CA10: variants seen among roughly 807,000 people sequenced by gnomAD.
The protein encoded by CA10 is carbonic anhydrase 10 (inactive).
CA10 carries 14 observed loss-of-function variants against 44.2 expected under a neutral mutation model. That is an observed-to-expected ratio of 0.32 (90% CI 0.21 to 0.50). The LOEUF is 0.50. Ranked by LOEUF, CA10 falls within the 20% of genes least tolerant of loss-of-function variation. CA10 has a pLI of 0.99. For missense variants in CA10, 350 were observed against 409.7 expected, an observed-to-expected ratio of 0.85 and a Z score of 1.26; for synonymous variants, 159 against 141.6, an observed-to-expected ratio of 1.12 and a Z score of -0.87.
Position 51,865,396 on chromosome 17 carries a change from C to T in CA10, c.279+65594G>A, listed in dbSNP as rs185630328. 1.0e-3 allele frequency among the ~76,000 whole-genome samples: 157 copies of T among 152,296 alleles called. 1 individual carries two copies. Among genetic ancestry groups the T allele is most frequent in the African/African-American group, 3.4e-3 (140 of 41,566 alleles). On this transcript the variant is annotated intron_variant, in intron 3 of 8. Transcript: ENST00000451037. The stretch of plus-strand genomic sequence containing the variant: ...AATAAAAATGTGCTGAATTAATGAA[C>T]GAATCTACTAAACAGGGGGTTCCTC...
chr17:52,114,877 A>T (rs1988858513), intron 1 of CA10, among the ~76,000 whole-genome samples: 1 of 152,194 alleles, frequency 6.6e-6, no homozygotes, highest in South Asian at 2.1e-4. Flanking sequence ...AATGTCAGTG[A>T]TTCTAAAAAC....
chr17:51,680,930 C>G (rs1241533176), intron 4 of CA10, among the ~76,000 whole-genome samples: 1 of 152,092 alleles, frequency 6.6e-6, no homozygotes, highest in Non-Finnish European at 1.5e-5. Context: ...CCCAACATTC[C>G]CAGAGAGCCA....
At chr17:51,961,884 C>T (rs1024586472) in intron 2 of CA10, among the ~76,000 whole-genome samples, 4 of 151,974 alleles carry the variant, frequency 2.6e-5, no homozygotes, top group South Asian at 2.1e-4. Context: ...CCGGCTCACC[C>T]GGATTGACAG....
chr17:51,798,792 C>T (rs1004982069), intron 3 of CA10, among the ~76,000 whole-genome samples: 1 of 152,226 alleles, frequency 6.6e-6, no homozygotes, highest in African/African-American at 2.4e-5. Flanking sequence ...CAGGGCAGGA[C>T]TTGAGAGGAA....
At chr17:51,761,743 G>A (rs1367349649) in intron 3 of CA10, 2 of 152,182 alleles carry the variant, frequency 1.3e-5, no homozygotes, top group Admixed American at 6.5e-5. Flanking sequence ...GGCTCTGCAA[G>A]TGTAATGAAC....
intron 8 of CA10, 140 bp downstream of exon 8, chr17:51,633,336 G>C: frequency 1.2e-6 from 1 of 821,586 alleles, no homozygotes; most frequent in Non-Finnish European, 1.9e-6. Flanking sequence ...TCATCACCAT[G>C]CAAATGGAGT....
chr17:51,704,824 G>A (rs1915712188), intron 4 of CA10, among the ~76,000 whole-genome samples: 1 of 152,122 alleles, frequency 6.6e-6, no homozygotes, highest in South Asian at 2.1e-4. Context: ...TTAGCCGGGT[G>A]TGATGGCATG....
chr17:51,893,098 A>G (rs1980928958), intron 3 of CA10, among the ~76,000 whole-genome samples: 1 of 152,114 alleles, frequency 6.6e-6, no homozygotes, highest in South Asian at 2.1e-4. Flanking sequence ...TGTTTTTATA[A>G]GTTGCATAAT....
At chr17:51,857,156 C>T (rs796321941) in intron 3 of CA10, among the ~76,000 whole-genome samples, 31 of 152,214 alleles carry the variant, frequency 2.0e-4, no homozygotes, top group African/African-American at 7.5e-4. Context: ...AGCATATATT[C>T]CATGATAATA....
At chr17:51,867,680 A>G (rs544248577) in intron 3 of CA10, among the ~76,000 whole-genome samples, 3 of 152,326 alleles carry the variant, frequency 2.0e-5, no homozygotes, top group Non-Finnish European at 4.4e-5. Flanking sequence ...CAGTTCCTGG[A>G]AGGCAACCAG....
chr17:52,113,729 A>C (rs1356918576), intron 1 of CA10, among the ~76,000 whole-genome samples: 1 of 152,246 alleles, frequency 6.6e-6, no homozygotes, highest in Non-Finnish European at 1.5e-5. Context: ...TACTGAAGGA[A>C]GATAAAAACA....
chr17:51,696,072 T>A (rs1360475954), intron 4 of CA10, among the ~76,000 whole-genome samples: 1 of 152,222 alleles, frequency 6.6e-6, no homozygotes, highest in Non-Finnish European at 1.5e-5. Context: ...TTTGCTAGTA[T>A]TTCGTTGCAG....
chr17:51,673,242 T>G (rs977799689), intron 4 of CA10, among the ~76,000 whole-genome samples: 3 of 152,200 alleles, frequency 2.0e-5, no homozygotes, highest in African/African-American at 7.2e-5. Flanking sequence ...AACCTTGATG[T>G]CCCAGATGGT....
intron 3 of CA10, among the ~76,000 whole-genome samples, chr17:51,820,417 C>CA (rs1369247837): frequency 1.4e-5 from 1 of 70,066 alleles, no homozygotes; most frequent in Non-Finnish European, 3.1e-5. Context: ...CCCCCCCCCC[C>CA]CGCCCGCCGA....
In CA10 at chr17:51,631,172, T is replaced by C. The variant is rs1912554003; in HGVS notation, c.*412A>G. The C allele has an allele frequency of 5.3e-6, 1 of 188,756 alleles. No homozygotes were observed. Among genetic ancestry groups the C allele is most frequent in the South Asian group, 1.1e-4 (1 of 8,934 alleles). The allele number at this position is 188,756 out of a possible 1,614,324, so 11.7% of individuals were successfully genotyped here. On this transcript the variant is annotated 3_prime_UTR_variant, in exon 9 of 9. Coordinates refer to ENST00000451037, the MANE Select transcript of CA10 (RefSeq NM_020178.5). ...CTCTCTTTTGGAAGAATTTTGTATG[T>C]ACAAAGGCTGAAAAGTCTCATTGGG...
chr17:51,682,495 G>A (rs1389207122), intron 4 of CA10, among the ~76,000 whole-genome samples: 1 of 152,206 alleles, frequency 6.6e-6, no homozygotes, highest in Non-Finnish European at 1.5e-5. Flanking sequence ...CAGCAGGTAA[G>A]TAAAATAAAT....
chr17:51,926,002 A>G (rs748688879), intron 3 of CA10, among the ~76,000 whole-genome samples: 38 of 152,122 alleles, frequency 2.5e-4, no homozygotes, highest in Non-Finnish European at 4.6e-4. Context: ...TAAAAAAGTT[A>G]CAAAAATGCA....
At chr17:52,108,574 C>A (rs1165280979) in intron 1 of CA10, among the ~76,000 whole-genome samples, 1 of 151,682 alleles carries the variant, frequency 6.6e-6, no homozygotes, top group Non-Finnish European at 1.5e-5. Flanking sequence ...GTGGTGTGTG[C>A]CTGTAATCCC....
intron 2 of CA10, among the ~76,000 whole-genome samples, chr17:52,027,198 G>C (rs1017720503): frequency 9.9e-5 from 15 of 152,050 alleles, no homozygotes; most frequent in African/African-American, 3.6e-4. Flanking sequence ...GACCTCCTGT[G>C]AGAATCTAAT....
Sources: gnomAD v4.1 joint callset for allele counts (sites outside exome capture counted in the v4.1 genomes callset) on GRCh38, gnomAD v4.1.1 for gene constraint, MANE v1.5 for transcripts, NCBI Gene and HGNC (gene_info 2026-07-23, HGNC 2026-07-21) for gene names.